The following ZRSR2 variants were observed in gnomAD, a reference collection of about 807,000 sequenced individuals.
ZRSR2 encodes U2 small nuclear ribonucleoprotein auxiliary factor 35 kDa subunit-related protein 2.
A neutral mutation model predicts 39.4 loss-of-function variants in ZRSR2; 3 were observed. The ratio of observed to expected loss-of-function variants is 0.08; its 90% CI spans 0.03 to 0.20. ZRSR2 has a LOEUF of 0.20. ZRSR2 is among the 10% of genes least tolerant of loss of function. ZRSR2 has a pLI of 1.00. For synonymous variants in ZRSR2, 137 were observed against 136.0 expected, an observed-to-expected ratio of 1.01 and a Z score of -0.05; for missense variants, 256 against 391.5, an observed-to-expected ratio of 0.65 and a Z score of 2.92.
At chrX:15,815,423 A>C (rs1257975143) in intron 7 of ZRSR2, among the ~76,000 whole-genome samples, 1 of 112,366 alleles carries the variant, frequency 8.9e-6, no homozygotes, top group African/African-American at 3.2e-5. Flanking sequence ...CAGCCTCCTG[A>C]GTAGCTGGGA....
In ZRSR2 at chrX:15,802,605, G is replaced by A. The variant is rs768442628; in HGVS notation, c.204-1083G>A. ...CTCCCAAGTAGCTGGGATTATAGGC[G>A]GCTGCCACCACGCCTGGCTAATTTT... On this transcript the variant is annotated intron_variant, in intron 3 of 10. Coordinates refer to ENST00000307771, the MANE Select transcript of ZRSR2 (RefSeq NM_005089.4). Among the ~76,000 whole-genome samples, 70 of 110,501 alleles carry A rather than the reference G, an allele frequency of 6.3e-4. 1 individual carries two copies. The South Asian group carries it at 0.018, about 29-fold the overall frequency.
intron 7 of ZRSR2, among the ~76,000 whole-genome samples, chrX:15,813,475 C>T (rs1020494180): frequency 5.3e-5 from 6 of 112,174 alleles, no homozygotes; most frequent in Non-Finnish European, 1.1e-4. Context: ...TGTCACTTCT[C>T]TTAGCTGAGT....
At chrX:15,808,472 A>G (rs1362417457) in intron 6 of ZRSR2, among the ~76,000 whole-genome samples, 1 of 111,433 alleles carries the variant, frequency 9.0e-6, no homozygotes, top group African/African-American at 3.3e-5. Context: ...ACCCCTGTGG[A>G]CTGGACCTGT....
intron 5 of ZRSR2, among the ~76,000 whole-genome samples, chrX:15,805,929 CAAAAAAAAAAAA>C (rs34575364): frequency 1.5e-5 from 1 of 66,415 alleles, no homozygotes; most frequent in Non-Finnish European, 2.8e-5. Flanking sequence ...GACTTCGTCT[CAAAAAAAAAAAA>C]AAAAAAAGAA....
At chrX:15,804,353 C>G (rs1162755336) in intron 5 of ZRSR2, 156 bp downstream of exon 5, 1 of 545,432 alleles carries the variant, frequency 1.8e-6, no homozygotes, top group African/African-American at 2.6e-5. Context: ...GAGTTCCCTT[C>G]TGATGCTCTT....
chrX:15,818,793 G>A (rs1933032858), intron 9 of ZRSR2, 151 bp downstream of exon 9: 2 of 492,939 alleles, frequency 4.1e-6, no homozygotes, highest in Non-Finnish European at 6.2e-6. Flanking sequence ...CTTTTGAGAC[G>A]GAGTTTCGCT....
rs1445224770 is a variant in ZRSR2, at chrX:15,791,146, A to G, written c.121+133A>G. The G allele has an allele frequency of 1.7e-5, 9 of 534,907 alleles. No homozygotes were observed. The East Asian group carries it at 2.6e-4, about 16-fold the overall frequency. The allele number at this position is 534,907 out of a possible 1,213,427, so 44.1% of individuals were successfully genotyped here. A position where few individuals can be genotyped will look rare whatever the true frequency, so the allele number is the denominator to read the frequency against. ...AAAATAGCTGTGACTTCTGCCCCCAAGTAGTTATTTAGAAACACATGTCAG... is the reference window on the plus strand; with the variant it reads ...AAAATAGCTGTGACTTCTGCCCCCAGGTAGTTATTTAGAAACACATGTCAG... On this transcript the variant is annotated intron_variant, in intron 2 of 10. Coordinates refer to ENST00000307771, the MANE Select transcript of ZRSR2 (RefSeq NM_005089.4).
At chrX:15,804,916 T>G (rs1186316327) in intron 5 of ZRSR2, among the ~76,000 whole-genome samples, 1 of 111,391 alleles carries the variant, frequency 9.0e-6, no homozygotes, top group Non-Finnish European at 1.9e-5. Flanking sequence ...TGTGTGTATG[T>G]ATCTTCTCTA....
At chrX:15,810,972 A>C (rs1191906014) in intron 7 of ZRSR2, among the ~76,000 whole-genome samples, 1 of 109,460 alleles carries the variant, frequency 9.1e-6, no homozygotes, top group African/African-American at 3.3e-5. Flanking sequence ...AAATGTCCTC[A>C]GGTGTCTCTA....
At chrX:15,804,587 A>G (rs1233253692) in intron 5 of ZRSR2, among the ~76,000 whole-genome samples, 1 of 111,824 alleles carries the variant, frequency 8.9e-6, no homozygotes, top group Admixed American at 9.5e-5. Context: ...GGAAAGCTTT[A>G]TTTACAAAAC....
chrX:15,813,587 A>G (rs1280673339), intron 7 of ZRSR2, among the ~76,000 whole-genome samples: 1 of 112,453 alleles, frequency 8.9e-6, no homozygotes, highest in Non-Finnish European at 1.9e-5. Context: ...CTTTGGTTCT[A>G]TTCCAAAACT....
chrX:15,809,791 C>T lies in ZRSR2; in HGVS notation c.557+473C>T, dbSNP rs1408493539. 2.8e-5 allele frequency among the ~76,000 whole-genome samples: 3 copies of T among 105,647 alleles called. No individual in the cohort carries two copies. The Middle Eastern group carries it at 0.014, about 496-fold the overall frequency. 91.7% of individuals were successfully genotyped at this position (105,647 alleles called of 115,157 possible). On this transcript the variant is annotated intron_variant, in intron 7 of 10. Transcript: ENST00000307771. The stretch of plus-strand genomic sequence containing the variant: ...CACCACTGCACTCCAGCCTGGGTGA[C>T]AAAACAAGACCCTGTCTCAAAAAAG...
intron 2 of ZRSR2, among the ~76,000 whole-genome samples, chrX:15,798,740 G>T (rs747793928): frequency 2.5e-4 from 28 of 112,107 alleles, no homozygotes; most frequent in Non-Finnish European, 7.5e-5. Context: ...CTGTATTCTG[G>T]ATTGTTCTGT....
intron 7 of ZRSR2, among the ~76,000 whole-genome samples, 189 bp from the exon 8 acceptor site, chrX:15,815,488 G>A (rs1013941421): frequency 1.8e-5 from 2 of 112,085 alleles, no homozygotes; most frequent in African/African-American, 6.5e-5. Flanking sequence ...TGTATTTTTA[G>A]TAGAATTGGG....
At chrX:15,794,552 C>T (rs1306612419) in intron 2 of ZRSR2, among the ~76,000 whole-genome samples, 1 of 111,316 alleles carries the variant, frequency 9.0e-6, no homozygotes, top group East Asian at 2.8e-4. Context: ...AATATATTTG[C>T]CCTTCATTAA....
chrX:15,805,703 G>A (rs1456732640), intron 5 of ZRSR2, among the ~76,000 whole-genome samples: 2 of 110,807 alleles, frequency 1.8e-5, no homozygotes, highest in Non-Finnish European at 3.8e-5. Flanking sequence ...AGGCTGAGGC[G>A]AGAGGATCAC....
chrX:15,805,557 A>G (rs747055893), intron 5 of ZRSR2, among the ~76,000 whole-genome samples: 8 of 112,354 alleles, frequency 7.1e-5, no homozygotes, highest in Non-Finnish European at 1.5e-4. Flanking sequence ...CTTTGCTCTC[A>G]TTGAGCTAGT....
chrX:15,804,188 A>G lies in ZRSR2; in HGVS notation c.390A>G (p.Lys130=), dbSNP rs750063347. 3 of 1,197,338 alleles carry G rather than the reference A, an allele frequency of 2.5e-6. No individual in the cohort carries two copies. The highest frequency in any genetic ancestry group is 3.4e-6 in the Non-Finnish European group (3 of 890,231). The change falls in exon 5 of 11, where the codon AAA becomes AAG. Residue 130 remains lysine, a synonymous_variant. Transcript: ENST00000307771. ...AGGAGCAGAAACGACAGGAGAAGAA[A>G]GAAAAAGAGGTGATTCCTGTCATGG... ...EEEEQKRQEK[K]EKEEALQKML...
chrX:15,803,155 C>T (rs1169408007), intron 3 of ZRSR2, among the ~76,000 whole-genome samples: 2 of 109,937 alleles, frequency 1.8e-5, no homozygotes, highest in African/African-American at 6.6e-5. Flanking sequence ...CCCAGCTACT[C>T]GGGAGGCTGA....
Sources: gnomAD v4.1 joint callset for allele counts (sites outside exome capture counted in the v4.1 genomes callset) on GRCh38, gnomAD v4.1.1 for gene constraint, MANE v1.5 for transcripts, NCBI Gene and HGNC (gene_info 2026-07-23, HGNC 2026-07-21) for gene names.